KCNQ5: variants seen among roughly 807,000 people sequenced by gnomAD.
KCNQ5 encodes the protein potassium voltage-gated channel subfamily KQT member 5.
KCNQ5 carries 30 observed loss-of-function variants against 98.2 expected under a neutral mutation model. That is an observed-to-expected ratio of 0.31 (90% CI 0.23 to 0.41). The LOEUF (loss-of-function observed/expected upper bound fraction) is 0.41. Ranked by LOEUF, KCNQ5 falls within the 10% of genes least tolerant of loss-of-function variation. The pLI, the probability that KCNQ5 is intolerant of heterozygous loss-of-function variation, is 1.00. For synonymous variants in KCNQ5, 458 were observed against 449.4 expected (o/e 1.02, Z -0.24); for missense variants, 835 against 1,182.5 (o/e 0.71, Z 4.31).
intron 1 of KCNQ5, among the ~76,000 whole-genome samples, chr6:72,775,955 C>T (rs1164205243): frequency 6.6e-6 from 1 of 152,006 alleles, no homozygotes; most frequent in Non-Finnish European, 1.5e-5. Context: ...GAGGTAAAAA[C>T]TAAGGAAATC....
At chr6:72,699,204 A>G (rs1768671963) in intron 1 of KCNQ5, among the ~76,000 whole-genome samples, 1 of 152,154 alleles carries the variant, frequency 6.6e-6, no homozygotes, top group African/African-American at 2.4e-5. Context: ...GGGACCTTCT[A>G]AATTTTAGAT....
At chr6:72,771,595 G>A (rs374034960) in intron 1 of KCNQ5, among the ~76,000 whole-genome samples, 11 of 151,678 alleles carry the variant, frequency 7.3e-5, no homozygotes, top group African/African-American at 2.4e-4. Context: ...ACACAATAAA[G>A]GGTAACTATG....
At chr6:72,822,082 T>C (rs1775785218) in intron 1 of KCNQ5, among the ~76,000 whole-genome samples, 1 of 152,182 alleles carries the variant, frequency 6.6e-6, no homozygotes, top group Admixed American at 6.6e-5. Context: ...TAATGCCCTT[T>C]CTTTTCCCTC....
chr6:72,893,287 T>G (rs182733375), intron 1 of KCNQ5, among the ~76,000 whole-genome samples: 1,698 of 143,778 alleles, frequency 0.012, 26 homozygotes, highest in African/African-American at 0.047. Context: ...GCTATTGTGG[T>G]TTTTTTTTAA....
At chr6:73,120,652 C>A (rs373410938) in intron 8 of KCNQ5, 75 bp downstream of exon 8, 178 of 881,722 alleles carry the variant, frequency 2.0e-4, no homozygotes, top group African/African-American at 1.4e-3. Flanking sequence ...CCCACACACA[C>A]AAAAAAAGGT....
chr6:73,079,867 A>G (rs542811339), intron 5 of KCNQ5, among the ~76,000 whole-genome samples: 1 of 152,228 alleles, frequency 6.6e-6, no homozygotes, highest in African/African-American at 2.4e-5. Context: ...CTTGCCAGCA[A>G]GGGGAAGACA....
At chr6:72,761,042 T>G (rs1443149486) in intron 1 of KCNQ5, among the ~76,000 whole-genome samples, 1 of 152,148 alleles carries the variant, frequency 6.6e-6, no homozygotes, top group Non-Finnish European at 1.5e-5. Flanking sequence ...GTGTCTTATT[T>G]GGATGTATGT....
At chr6:72,922,210 ATAT>A (rs1259479144) in intron 1 of KCNQ5, among the ~76,000 whole-genome samples, 3 of 152,138 alleles carry the variant, frequency 2.0e-5, no homozygotes, top group Admixed American at 2.0e-4. Context: ...ATAGATAAGA[ATAT>A]TATTTTACTG....
At chr6:72,753,206 G>A (rs1771774107) in intron 1 of KCNQ5, among the ~76,000 whole-genome samples, 1 of 152,136 alleles carries the variant, frequency 6.6e-6, no homozygotes, top group South Asian at 2.1e-4. Flanking sequence ...CATACAGTAT[G>A]TAGCTTTTTA....
chr6:72,706,274 T>C (rs1769075194), intron 1 of KCNQ5, among the ~76,000 whole-genome samples: 3 of 152,060 alleles, frequency 2.0e-5, no homozygotes, highest in Non-Finnish European at 2.9e-5. Context: ...GTACAAATTC[T>C]GAAGTGGAAA....
rs1172539218 is a variant in KCNQ5 at position 73,192,657 on chromosome 6, G to C, written c.1802G>C (p.Ser601Thr). The change falls in exon 13 of 14, where the codon AGT (serine) becomes ACT (threonine). Residue 601 changes from serine (S) to threonine (T), a missense_variant. Around this residue, in one of 10 missense-constraint regions of KCNQ5, gnomAD observed 416 missense variants for 446.9 expected, o/e 0.93. Transcript: ENST00000370398. ...GAACATGAGACCACAGACGATCTCA[G>C]TATGCTCGGTCGGGTGGTCAAGGTT... is the stretch of plus-strand genomic sequence containing the variant. The part of the protein sequence containing the change: ...TAEHETTDDL[S>T]MLGRVVKVEK... 6.2e-7 allele frequency: 1 copy of C among 1,608,850 alleles called. No individual in the cohort carries two copies. The highest frequency in any genetic ancestry group is 8.5e-7 in the Non-Finnish European group (1 of 1,177,418).
chr6:73,107,350 C>T (rs980354135), intron 6 of KCNQ5, among the ~76,000 whole-genome samples: 19 of 152,070 alleles, frequency 1.2e-4, no homozygotes, highest in African/African-American at 4.3e-4. Context: ...TATGGTTTCA[C>T]AATTCTTTGA....
At chr6:73,119,881 C>G (rs967807674) in intron 7 of KCNQ5, among the ~76,000 whole-genome samples, 1 of 152,136 alleles carries the variant, frequency 6.6e-6, no homozygotes, top group African/African-American at 2.4e-5. Context: ...CTTTCCCTTA[C>G]CAATTCAAAA....
intron 1 of KCNQ5, among the ~76,000 whole-genome samples, chr6:72,867,362 A>G (rs947841270): frequency 3.9e-5 from 6 of 152,228 alleles, no homozygotes; most frequent in Admixed American, 3.3e-4. Flanking sequence ...CAGCCTGTTA[A>G]CAACTTTCTT....
In KCNQ5 at chr6:73,007,131, C is replaced by T. The variant is rs567567962; in HGVS notation, c.489+3133C>T. Among the ~76,000 whole-genome samples the T allele has an allele frequency of 8.5e-5, 13 of 152,274 alleles. No individual in the cohort carries two copies. In the South Asian group the frequency reaches 1.2e-3, roughly 15 times the overall value. On this transcript the variant is annotated intron_variant, in intron 2 of 13. Transcript: ENST00000370398. Reference sequence around the variant, plus strand: ...TTTCCATCCAGAATGGCACTGCCAACGCTCTTGTAAACTTGTAACTTCACA... The same window carrying T: ...TTTCCATCCAGAATGGCACTGCCAATGCTCTTGTAAACTTGTAACTTCACA...
chr6:73,029,904 CA>C (rs56804434), intron 2 of KCNQ5, among the ~76,000 whole-genome samples: 8,436 of 78,210 alleles, frequency 0.11, 235 homozygotes, highest in African/African-American at 0.25. Context: ...GACTCCGTCT[CA>C]AAAAAAAAAA....
chr6:72,635,670 GTTTTTTTTTT>G (rs528990234), intron 1 of KCNQ5, among the ~76,000 whole-genome samples: 2 of 65,074 alleles, frequency 3.1e-5, no homozygotes, highest in African/African-American at 1.3e-4. Context: ...ATTGCTCCTA[GTTTTTTTTTT>G]TTTTTTTTTT....
At chr6:73,093,252 T>G (rs1210201698) in intron 5 of KCNQ5, among the ~76,000 whole-genome samples, 1 of 152,186 alleles carries the variant, frequency 6.6e-6, no homozygotes, top group East Asian at 1.9e-4. Context: ...AGTTGTAATA[T>G]CTCCCATTTC....
chr6:72,995,558 T>C (rs572523005), intron 1 of KCNQ5, among the ~76,000 whole-genome samples: 20 of 152,164 alleles, frequency 1.3e-4, no homozygotes, highest in Admixed American at 2.6e-4. Context: ...TGCTTTATAA[T>C]ATCTTTGAGG....
Sources: allele counts gnomAD v4.1 joint callset (sites outside exome capture counted in the v4.1 genomes callset), GRCh38; gene constraint gnomAD v4.1.1; regional missense constraint gnomAD v4.1.1; transcripts MANE v1.5; gene names NCBI Gene and HGNC (gene_info 2026-07-23, HGNC 2026-07-21).